Variants in POLR1A observed in about 807,000 individuals in gnomAD.
The protein encoded by POLR1A is RNA polymerase I subunit A.
Under a neutral mutation model 205.3 loss-of-function variants are expected in POLR1A, and 84 were observed. The ratio of observed to expected loss-of-function variants is 0.41; its 90% CI spans 0.34 to 0.49. The LOEUF (loss-of-function observed/expected upper bound fraction) is 0.49. Among genes scored for constraint, POLR1A ranks in the 20% least tolerant of loss-of-function variants. The pLI is 0.22. For synonymous variants in POLR1A, 799 were observed against 863.7 expected (o/e 0.93, Z 1.31); for missense variants, 1,645 against 2,204.5 (o/e 0.75, Z 5.08).
At chr2:86,036,785 T>C (rs1317015317) in intron 27 of POLR1A, among the ~76,000 whole-genome samples, 4 of 152,296 alleles carry the variant, frequency 2.6e-5, no homozygotes, top group Non-Finnish European at 4.4e-5. Flanking sequence ...ATGGCTTTAT[T>C]TATCACAGAT....
chr2:86,031,993 T>C (rs934154322), intron 29 of POLR1A, among the ~76,000 whole-genome samples: 4 of 152,174 alleles, frequency 2.6e-5, no homozygotes, highest in Admixed American at 6.5e-5. Flanking sequence ...GCAGCCTGAC[T>C]TTTTCTTGCC....
At chr2:86,088,969 G>C in intron 4 of POLR1A, 99 bp from the exon 5 acceptor site, 1 of 804,862 alleles carries the variant, frequency 1.2e-6, no homozygotes, top group Non-Finnish European at 2.0e-6. Flanking sequence ...TTAACCAGCG[G>C]AAACACCCCC....
chr2:86,047,220 C>A lies in POLR1A; in HGVS notation c.2678G>T (p.Ser893Ile), dbSNP rs780374842. Residue 893 changes from serine to isoleucine, a missense_variant, in exon 19 of 34, where the codon AGC becomes ATC. Around this residue, in one of 16 missense-constraint regions of POLR1A, gnomAD observed 339 missense variants for 415.1 expected, o/e 0.82. Transcript: ENST00000263857. ...TCCCGACTGCACCATCATCTGCAGG[C>A]TGTTCTCTGGGAACTGTCTGTGTAG... ...FGLHRQFPEN[S>I]LQMMVQSGAK... 6.2e-7 allele frequency: 1 copy of A among 1,614,158 alleles called. No homozygotes were observed. The highest frequency in any genetic ancestry group is 8.5e-7 in the Non-Finnish European group (1 of 1,179,996).
At position 86,042,036 on chromosome 2, in the gene POLR1A, C is replaced by T. The variant is rs1315194277; in HGVS notation, c.3425G>A (p.Cys1142Tyr). The T allele has an allele frequency of 6.2e-7, 1 of 1,613,936 alleles. No individual in the cohort carries two copies. Residue 1142 changes from cysteine to tyrosine, a missense_variant, in exon 24 of 34, where the codon TGT becomes TAT. Coordinates refer to ENST00000263857, the MANE Select transcript of POLR1A (RefSeq NM_015425.6). ...RRKYQKKAAA[C>Y]PDPSLSVWRP... is the part of the protein sequence containing the mutation. ...CCAGACAGACAGACTGGGGTCAGGA[C>T]AAGCGGCCGCCTTCTTCTGGTATTT...
intron 4 of POLR1A, 60 bp downstream of exon 4, chr2:86,089,762 A>G: frequency 9.6e-7 from 1 of 1,045,562 alleles, no homozygotes. Flanking sequence ...AGGACAACAC[A>G]GAGGGAAAGT....
chr2:86,097,873 TAGA>T (rs145296314), intron 3 of POLR1A, among the ~76,000 whole-genome samples: 4,046 of 152,300 alleles, frequency 0.027, 79 homozygotes, highest in Middle Eastern at 0.048. Flanking sequence ...TTCAAACAGC[TAGA>T]AGGAGAATAT....
chr2:86,080,691 A>G, intron 9 of POLR1A, 125 bp downstream of exon 9: 1 of 886,298 alleles, frequency 1.1e-6, no homozygotes, highest in East Asian at 2.7e-5. Context: ...GCTCACACTA[A>G]GGCTGCTGCC....
In POLR1A at chr2:86,049,002, T is replaced by A. The variant is rs1299294725; in HGVS notation, c.2516A>T (p.Tyr839Phe). The change falls in exon 18 of 34, where the codon TAT becomes TTT. Residue 839 changes from tyrosine to phenylalanine, a missense_variant. Tyr to Phe is a conservative substitution (Grantham distance 22). Coordinates refer to ENST00000263857, the MANE Select transcript of POLR1A (RefSeq NM_015425.6). ...CTGCCATTTTCCTCGGACCTCATCA[T>A]ATGATGCGGCTTCTGGCAGGTTTAA... ...AALNLPEAAS[Y>F]DEVRGKWQDA... The A allele has an allele frequency of 1.1e-5, 18 of 1,614,216 alleles. No individual in the cohort carries two copies. The highest frequency in any genetic ancestry group is 1.3e-5 in the Non-Finnish European group (15 of 1,180,012).
Position 86,049,144 on chromosome 2 carries a change from C to G in POLR1A, c.2475+16G>C, listed in dbSNP as rs373936673. 7 of 1,611,718 alleles carry G rather than the reference C, an allele frequency of 4.3e-6. No homozygotes were observed. Among genetic ancestry groups the G allele is most frequent in the African/African-American group, 4.0e-5 (3 of 74,890 alleles). On this transcript the variant is annotated intron_variant, in intron 17 of 33. Coordinates refer to ENST00000263857, the MANE Select transcript of POLR1A (RefSeq NM_015425.6). Reference sequence around the variant, plus strand: ...ACCCCTCTAGGGCAGGCCACGGCCTCGAAGTCCCTCCTTACCTGGGGCCCG... The same window carrying G: ...ACCCCTCTAGGGCAGGCCACGGCCTGGAAGTCCCTCCTTACCTGGGGCCCG...
intron 14 of POLR1A, among the ~76,000 whole-genome samples, chr2:86,055,018 A>T (rs757088183): frequency 7.2e-5 from 11 of 152,128 alleles, no homozygotes; most frequent in Non-Finnish European, 1.5e-5. Context: ...GTGTGCAACG[A>T]GGGCGCGGTG....
intron 28 of POLR1A, 47 bp from the exon 29 acceptor site, chr2:86,032,429 T>C (rs372226250): frequency 7.6e-7 from 1 of 1,316,938 alleles, no homozygotes; most frequent in Non-Finnish European, 1.1e-6. Context: ...CAATATCTAG[T>C]GCTCAGTGAA....
intron 16 of POLR1A, among the ~76,000 whole-genome samples, chr2:86,051,223 G>C (rs6724835): frequency 6.7e-6 from 1 of 150,262 alleles, no homozygotes; most frequent in Non-Finnish European, 1.5e-5. Context: ...GTGGGTAAGG[G>C]AAGTAGAGTA....
At chr2:86,030,916 G>T (rs775041328) in intron 30 of POLR1A, among the ~76,000 whole-genome samples, 1 of 152,172 alleles carries the variant, frequency 6.6e-6, no homozygotes, top group African/African-American at 2.4e-5. Flanking sequence ...CTGAGGGCAC[G>T]AACAGTGTCT....
At position 86,105,782 on chromosome 2, in the gene POLR1A, AG is replaced by A. The variant is rs1558790486; in HGVS notation, c.-7del. ...ATGTTCTTGGAGATCAACATCCTCC[AG>A]GTCCGTTTTGAATTCCGACACCCCA... On this transcript the variant is annotated 5_prime_UTR_variant, in exon 1 of 34. Transcript: ENST00000263857. The A allele has an allele frequency of 1.2e-6, 2 of 1,613,452 alleles. No individual in the cohort carries two copies. Among genetic ancestry groups the A allele is most frequent in the Non-Finnish European group, 8.5e-7 (1 of 1,179,342 alleles).
intron 1 of POLR1A, among the ~76,000 whole-genome samples, chr2:86,103,825 C>A (rs897752833): frequency 2.0e-5 from 3 of 152,118 alleles, no homozygotes; most frequent in Non-Finnish European, 4.4e-5. Flanking sequence ...AATGACCTCA[C>A]AAAACAAGGG....
rs539643663 is a variant in POLR1A at position 86,048,964 on chromosome 2, C to G, written c.2554G>C (p.Gly852Arg). Residue 852 changes from glycine (G) to arginine (R), a missense_variant, in exon 18 of 34, where the codon GGC (glycine) becomes CGC (arginine). Gly to Arg is a moderately radical substitution (Grantham distance 125). Around this residue, in one of 16 missense-constraint regions of POLR1A, gnomAD observed 339 missense variants for 415.1 expected, o/e 0.82. Transcript: ENST00000263857. ...ATGTTAAAATCCCTCTGGTCCTTGC[C>G]CAGATGGGCATCCTGCCATTTTCCT... ...VRGKWQDAHL[G>R]KDQRDFNMID... 1.2e-6 allele frequency: 2 copies of G among 1,614,146 alleles called. No homozygotes were observed. The highest frequency in any genetic ancestry group is 2.2e-5 in the South Asian group (2 of 91,086).
At chr2:86,053,058 C>T (rs1230586493) in intron 15 of POLR1A, 58 bp from the exon 16 acceptor site, 7 of 1,328,786 alleles carry the variant, frequency 5.3e-6, no homozygotes, top group Admixed American at 4.7e-5. Flanking sequence ...GTGGGAGTCA[C>T]CCACCCTCTA....
chr2:86,049,394 T>C (rs141245894), intron 16 of POLR1A, 152 bp from the exon 17 acceptor site: 230 of 629,772 alleles, frequency 3.7e-4, no homozygotes, highest in Non-Finnish European at 5.8e-4. Context: ...TATTAACAGA[T>C]TGCCACCATC....
rs952173905 is a variant in POLR1A, at chr2:86,024,105, C to A, written c.*3318G>T. 1.9e-5 allele frequency: 3 copies of A among 153,922 alleles called. No individual in the cohort carries two copies. The highest frequency in any genetic ancestry group is 7.2e-5 in the African/African-American group (3 of 41,484). The allele number at this position is 153,922 out of a possible 1,614,324, so 9.5% of individuals were successfully genotyped here. On this transcript the variant is annotated 3_prime_UTR_variant, in exon 34 of 34. Coordinates refer to ENST00000263857, the MANE Select transcript of POLR1A (RefSeq NM_015425.6). ...ATTTGCAACAGCCAAGAGGTGGAGGCAACCCAAGTGTCCACCAACAGATGA... is the reference window on the plus strand; with the variant it reads ...ATTTGCAACAGCCAAGAGGTGGAGGAAACCCAAGTGTCCACCAACAGATGA...
Sources: allele counts gnomAD v4.1 joint callset (sites outside exome capture counted in the v4.1 genomes callset), GRCh38; gene constraint gnomAD v4.1.1; regional missense constraint gnomAD v4.1.1; transcripts MANE v1.5; gene names NCBI Gene and HGNC (gene_info 2026-07-23, HGNC 2026-07-21).